WDR59: variants seen among roughly 807,000 people sequenced by gnomAD.
WDR59 encodes the protein WD repeat domain 59.
A neutral mutation model predicts 131.2 loss-of-function variants in WDR59; 100 were observed. The observed-to-expected ratio is 0.76, with a 90% CI of 0.65 to 0.90. The LOEUF is 0.90. WDR59 is among the 40% of genes least tolerant of loss of function. WDR59 has a pLI of 0.00. For synonymous variants in WDR59, 601 were observed against 466.2 expected, an observed-to-expected ratio of 1.29 and a Z score of -3.72; for missense variants, 1,203 against 1,262.2, an observed-to-expected ratio of 0.95 and a Z score of 0.71.
chr16:74,937,437 A>G (rs567634103), intron 8 of WDR59, among the ~76,000 whole-genome samples: 90 of 152,320 alleles, frequency 5.9e-4, no homozygotes, highest in African/African-American at 2.1e-3. Flanking sequence ...TAACAACTGT[A>G]GACTTTTCTC....
intron 2 of WDR59, among the ~76,000 whole-genome samples, chr16:74,961,929 C>T (rs891963542): frequency 2.0e-5 from 3 of 152,238 alleles, no homozygotes; most frequent in East Asian, 1.9e-4. Flanking sequence ...TTGGATTTTA[C>T]ATTTAAGTCT....
intron 5 of WDR59, among the ~76,000 whole-genome samples, chr16:74,949,297 C>T (rs1391411964): frequency 7.7e-6 from 1 of 129,578 alleles, no homozygotes; most frequent in African/African-American, 3.0e-5. Flanking sequence ...CATCACTTCA[C>T]TGCAGACTGG....
intron 8 of WDR59, among the ~76,000 whole-genome samples, chr16:74,930,951 T>C (rs1597738049): frequency 6.8e-6 from 1 of 147,266 alleles, no homozygotes; most frequent in East Asian, 2.0e-4. Context: ...TCAGGTAATG[T>C]CTCGGAGCAA....
At chr16:74,948,742 C>T (rs2145128201) in intron 5 of WDR59, among the ~76,000 whole-genome samples, 186 bp from the exon 6 acceptor site, 1 of 152,242 alleles carries the variant, frequency 6.6e-6, no homozygotes, top group South Asian at 2.1e-4. Flanking sequence ...TGACTCATGC[C>T]TGTAATTCCA....
At chr16:74,954,943 T>G (rs2033206434) in intron 3 of WDR59, among the ~76,000 whole-genome samples, 1 of 151,978 alleles carries the variant, frequency 6.6e-6, no homozygotes, top group Non-Finnish European at 1.5e-5. Context: ...AGACTGGTGG[T>G]TGCCAGGGGT....
intron 24 of WDR59, 166 bp from the exon 25 acceptor site, chr16:74,885,961 G>C (rs1159889364): frequency 3.6e-6 from 3 of 827,736 alleles, no homozygotes; most frequent in Non-Finnish European, 5.5e-6. Context: ...TGGATCACTT[G>C]AGGTCAGGAG....
At chr16:74,915,021 T>C (rs1289863142) in intron 13 of WDR59, among the ~76,000 whole-genome samples, 1 of 152,250 alleles carries the variant, frequency 6.6e-6, no homozygotes, top group African/African-American at 2.4e-5. Context: ...AGACTTTCAA[T>C]ACTTGCCCCC....
chr16:74,908,761 T>A (rs1228530429), intron 17 of WDR59, 147 bp downstream of exon 17: 2 of 607,482 alleles, frequency 3.3e-6, no homozygotes, highest in African/African-American at 3.7e-5. Flanking sequence ...TTAATTGACT[T>A]CAATCTTTCT....
intron 6 of WDR59, 34 bp downstream of exon 6, chr16:74,948,485 G>A (rs531319396): frequency 6.2e-7 from 1 of 1,603,388 alleles, no homozygotes; most frequent in Admixed American, 1.7e-5. Context: ...ACAAACCAAG[G>A]CGCCAGGGTG....
intron 1 of WDR59, among the ~76,000 whole-genome samples, chr16:74,978,026 C>T (rs926426487): frequency 1.3e-5 from 2 of 151,788 alleles, no homozygotes; most frequent in African/African-American, 4.8e-5. Flanking sequence ...TGGGCATCAA[C>T]AGCCAGATTC....
In WDR59 at chr16:74,944,724, A is replaced by G. The variant is rs1293220034; in HGVS notation, c.446-1898T>C. 2.6e-5 allele frequency among the ~76,000 whole-genome samples: 4 copies of G among 152,144 alleles called. No homozygotes were observed. In the East Asian group the frequency reaches 5.8e-4, roughly 22 times the overall value. On this transcript the variant is annotated intron_variant, in intron 6 of 25. Coordinates refer to ENST00000262144, the MANE Select transcript of WDR59 (RefSeq NM_030581.4). ...TCACTTGCCTCTTTTCCCCCAGGGT[A>G]GATCTGCACCACTGAGAAACCTCAC... is the stretch of plus-strand genomic sequence containing the variant.
intron 8 of WDR59, among the ~76,000 whole-genome samples, chr16:74,924,274 C>T (rs914961979): frequency 2.0e-5 from 3 of 152,130 alleles, no homozygotes; most frequent in Non-Finnish European, 2.9e-5. Flanking sequence ...ACGAAATGAC[C>T]TTTAGAGCTG....
chr16:74,912,158 T>C (rs372395987), intron 14 of WDR59, 40 bp downstream of exon 14: 17 of 1,613,722 alleles, frequency 1.1e-5, no homozygotes, highest in Non-Finnish European at 1.4e-5. Flanking sequence ...TAGACAATGA[T>C]GCAGAACAGC....
At chr16:74,874,778 A>T (rs1964126426) in intron 25 of WDR59, among the ~76,000 whole-genome samples, 1 of 152,050 alleles carries the variant, frequency 6.6e-6, no homozygotes, top group South Asian at 2.1e-4. Flanking sequence ...TTTAGTAGAG[A>T]CGGGGTTTCG....
At chr16:74,948,475 A>AC (rs1296370532) in intron 6 of WDR59, 44 bp downstream of exon 6, 6 of 1,584,982 alleles carry the variant, frequency 3.8e-6, no homozygotes, top group Non-Finnish European at 5.2e-6. Context: ...GAAAATGAAG[A>AC]CAAACCAAGG....
intron 10 of WDR59, among the ~76,000 whole-genome samples, chr16:74,919,267 C>T (rs1178784069): frequency 2.0e-5 from 3 of 152,034 alleles, no homozygotes; most frequent in African/African-American, 4.8e-5. Context: ...TCCTGCTGCC[C>T]CTGTTCATGC....
At chr16:74,941,124 CGCTTGA>C (rs1309038700) in intron 7 of WDR59, among the ~76,000 whole-genome samples, 1 of 151,412 alleles carries the variant, frequency 6.6e-6, no homozygotes, top group Non-Finnish European at 1.5e-5. Flanking sequence ...GTGGGAGGAT[CGCTTGA>C]CCCCAGGAGT....
chr16:74,927,749 G>A lies in WDR59; in HGVS notation c.652-3746C>T, dbSNP rs925827097. ...CAGCTTTCTCATTTTCAGTCCAAGG[G>A]ACACACTTGGTGGCAGCAAGAGAAA... On this transcript the variant is annotated intron_variant, in intron 8 of 25. Transcript: ENST00000262144. Among the ~76,000 whole-genome samples, 6 of 150,560 alleles carry A rather than the reference G, an allele frequency of 4.0e-5. No individual in the cohort carries two copies. The East Asian group carries it at 7.8e-4, about 19-fold the overall frequency.
At chr16:74,944,347 T>A (rs776027604) in intron 6 of WDR59, among the ~76,000 whole-genome samples, 1 of 151,086 alleles carries the variant, frequency 6.6e-6, no homozygotes, top group Non-Finnish European at 1.5e-5. Context: ...GCACCTGTAA[T>A]CCCAGCTACT....
Sources: allele counts gnomAD v4.1 joint callset (sites outside exome capture counted in the v4.1 genomes callset), GRCh38; gene constraint gnomAD v4.1.1; transcripts MANE v1.5; gene names NCBI Gene and HGNC (gene_info 2026-07-23, HGNC 2026-07-21).